RPS6KA2: variants seen among roughly 807,000 people sequenced by gnomAD.
RPS6KA2 encodes ribosomal protein S6 kinase A2.
In RPS6KA2, 42 loss-of-function variants were observed where a neutral mutation model predicts 91.8. That is an observed-to-expected ratio of 0.46 (90% CI 0.36 to 0.59). RPS6KA2 has a LOEUF of 0.59. RPS6KA2 is among the 20% of genes least tolerant of loss of function. The pLI is 0.00. For synonymous variants in RPS6KA2, 414 were observed against 393.6 expected (o/e 1.05, Z -0.61); for missense variants, 798 against 978.5 (o/e 0.82, Z 2.46).
At chr6:166,838,297 C>T (rs1413007786) in intron 2 of RPS6KA2, among the ~76,000 whole-genome samples, 2 of 152,186 alleles carry the variant, frequency 1.3e-5, no homozygotes, top group Non-Finnish European at 2.9e-5. Context: ...GAAGTGCTTC[C>T]GACCTTCCTA....
intron 2 of RPS6KA2, among the ~76,000 whole-genome samples, chr6:166,659,927 T>C (rs1454602030): frequency 1.5e-5 from 2 of 136,502 alleles, no homozygotes; most frequent in Non-Finnish European, 3.2e-5. Flanking sequence ...ACATTTTTTG[T>C]ATTTTTTTTT....
chr6:166,640,850 G>A (rs1280579854), intron 2 of RPS6KA2, among the ~76,000 whole-genome samples: 2 of 152,072 alleles, frequency 1.3e-5, no homozygotes, highest in Admixed American at 6.5e-5. Context: ...TTCCCATAGA[G>A]CAGACTCAAC....
intron 2 of RPS6KA2, among the ~76,000 whole-genome samples, chr6:166,780,089 G>A (rs150624098): frequency 5.1e-4 from 77 of 152,324 alleles, no homozygotes; most frequent in South Asian, 1.9e-3. Flanking sequence ...CAAGGGGATG[G>A]CTCAAAGCAG....
At chr6:166,643,077 T>C (rs538761267) in intron 2 of RPS6KA2, among the ~76,000 whole-genome samples, 238 of 152,352 alleles carry the variant, frequency 1.6e-3, no homozygotes, top group Non-Finnish European at 2.9e-3. Context: ...TATGCAAATA[T>C]GATACTCATG....
chr6:166,596,941 G>T (rs1040585137), intron 1 of RPS6KA2, among the ~76,000 whole-genome samples: 1 of 152,074 alleles, frequency 6.6e-6, no homozygotes, highest in African/African-American at 2.4e-5. Flanking sequence ...GGGGGATTTC[G>T]AGGGGACTGT....
chr6:166,773,433 G>A (rs1028577161), intron 2 of RPS6KA2, among the ~76,000 whole-genome samples: 23 of 151,716 alleles, frequency 1.5e-4, no homozygotes. Context: ...GTGGAGTCTC[G>A]CTGTGTCACC....
Position 166,438,723 on chromosome 6 carries a change from C to T in RPS6KA2, c.1333-6233G>A, listed in dbSNP as rs185084258. 8.7e-4 allele frequency among the ~76,000 whole-genome samples: 133 copies of T among 152,274 alleles called. 1 individual carries two copies. Among genetic ancestry groups the T allele is most frequent in the Admixed American group, 1.2e-3 (19 of 15,292 alleles). On this transcript the variant is annotated intron_variant, in intron 14 of 20. Transcript: ENST00000265678. ...TATTGGTACCATGTGTTTGAAGATA[C>T]AACAGGCCAAGAGAAAGAGCCAAAC... is the stretch of plus-strand genomic sequence containing the variant.
At chr6:166,464,635 T>A (rs1780453422) in intron 11 of RPS6KA2, among the ~76,000 whole-genome samples, 1 of 152,174 alleles carries the variant, frequency 6.6e-6, no homozygotes, top group Non-Finnish European at 1.5e-5. Flanking sequence ...CTGTCTGCAG[T>A]GATTAACTTT....
chr6:166,725,265 TCA>T (rs1360682934), intron 2 of RPS6KA2, among the ~76,000 whole-genome samples: 3 of 152,250 alleles, frequency 2.0e-5, no homozygotes, highest in African/African-American at 7.2e-5. Flanking sequence ...TAAAAATGTC[TCA>T]GTTTTCTTTC....
chr6:166,533,398 C>T lies in RPS6KA2; in HGVS notation c.217-2085G>A, dbSNP rs763037179. 4.6e-5 allele frequency among the ~76,000 whole-genome samples: 7 copies of T among 152,208 alleles called. No individual in the cohort carries two copies. Among genetic ancestry groups the T allele is most frequent in the African/African-American group, 9.7e-5 (4 of 41,448 alleles). On this transcript the variant is annotated intron_variant, in intron 2 of 20. Transcript: ENST00000265678. The surrounding 1 kb of genome is among the most constrained non-coding windows in gnomAD (Gnocchi z 4.0). Reference sequence around the variant, plus strand: ...GTGAGCGTCCCGGTGCCGGAGAGGCCGCACTGGCAGAGAGGAACCTGGGTC... The same window carrying T: ...GTGAGCGTCCCGGTGCCGGAGAGGCTGCACTGGCAGAGAGGAACCTGGGTC...
intron 10 of RPS6KA2, chr6:166,475,929 A>G (rs540271117): frequency 2.2e-6 from 1 of 449,398 alleles, no homozygotes; most frequent in South Asian, 1.7e-5. Flanking sequence ...TCCAGCTGTC[A>G]ATATCTGTGC....
intron 2 of RPS6KA2, among the ~76,000 whole-genome samples, chr6:166,839,883 T>A (rs975477924): frequency 7.9e-5 from 12 of 150,982 alleles, no homozygotes; most frequent in African/African-American, 2.9e-4. Flanking sequence ...TCAAAAGTGG[T>A]AAGATGATAA....
chr6:166,571,304 C>T (rs1267906368), intron 1 of RPS6KA2, among the ~76,000 whole-genome samples: 2 of 152,218 alleles, frequency 1.3e-5, no homozygotes. Context: ...TAAACGCTGA[C>T]ACACACAACA....
chr6:166,814,996 T>A (rs1336527893), intron 2 of RPS6KA2, among the ~76,000 whole-genome samples: 6 of 152,196 alleles, frequency 3.9e-5, no homozygotes, highest in African/African-American at 1.4e-4. Flanking sequence ...AAAACTGTCA[T>A]CCACAAAATT....
In RPS6KA2 at chr6:166,648,992, A is replaced by T. The variant is rs577981749; in HGVS notation, c.124-110208T>A. Among the ~76,000 whole-genome samples the T allele has an allele frequency of 6.6e-5, 10 of 152,198 alleles. No individual in the cohort carries two copies. The highest frequency in any genetic ancestry group is 2.4e-4 in the African/African-American group (10 of 41,520). On this transcript the variant is annotated intron_variant, in intron 2 of 21. Coordinates refer to the RPS6KA2 transcript ENST00000503859. The surrounding 1 kb of genome is among the most constrained non-coding windows in gnomAD (Gnocchi z 4.8). Reference sequence around the variant, plus strand: ...GGGCTCCTTCCTTCGCCCCTCCTCCAGTCTAGTCAATATGTTACCAAAGCA... The same window carrying T: ...GGGCTCCTTCCTTCGCCCCTCCTCCTGTCTAGTCAATATGTTACCAAAGCA...
chr6:166,532,347 TTACCGAGTGCAGGGGCTC>T (rs1783310780), intron 2 of RPS6KA2, among the ~76,000 whole-genome samples: 1 of 152,122 alleles, frequency 6.6e-6, no homozygotes, highest in Non-Finnish European at 1.5e-5. Flanking sequence ...GTCTAGACAC[TTACCGAGTGCAGGGGCTC>T]TAGGAGCAGG....
chr6:166,480,143 T>C (rs528194712), intron 10 of RPS6KA2, among the ~76,000 whole-genome samples: 1 of 152,128 alleles, frequency 6.6e-6, no homozygotes, highest in Non-Finnish European at 1.5e-5. Flanking sequence ...CAGGTTGACT[T>C]ATGAAAAGTG....
chr6:166,478,313 T>C (rs538621008), intron 10 of RPS6KA2, among the ~76,000 whole-genome samples: 5 of 152,330 alleles, frequency 3.3e-5, no homozygotes, highest in East Asian at 3.9e-4. Flanking sequence ...ACTACACAGA[T>C]TTCCATCATA....
chr6:166,815,363 G>C (rs1779736001), intron 2 of RPS6KA2, among the ~76,000 whole-genome samples: 1 of 152,204 alleles, frequency 6.6e-6, no homozygotes, highest in African/African-American at 2.4e-5. Context: ...CCTGCCACAT[G>C]CTTCACTGGA....
Sources: allele counts gnomAD v4.1 joint callset (sites outside exome capture counted in the v4.1 genomes callset), GRCh38; gene constraint gnomAD v4.1.1; non-coding constraint Gnocchi (gnomAD v3.1); transcripts MANE v1.5; gene names NCBI Gene and HGNC (gene_info 2026-07-23, HGNC 2026-07-21).